SAMSN1: variants seen among roughly 807,000 people sequenced by gnomAD.
SAMSN1 encodes SAM domain, SH3 domain and nuclear localization signals 1.
Under a neutral mutation model 42.0 loss-of-function variants are expected in SAMSN1, and 31 were observed. That is an observed-to-expected ratio of 0.74 (90% CI 0.55 to 1.00). The LOEUF (loss-of-function observed/expected upper bound fraction) is 1.00, where lower values mean the gene tolerates loss of function less well. Ranked by LOEUF, SAMSN1 falls within the 50% of genes least tolerant of loss-of-function variation. SAMSN1 has a pLI of 0.00. For missense variants in SAMSN1, 464 were observed against 439.4 expected, an observed-to-expected ratio of 1.06 and a Z score of -0.50; for synonymous variants, 178 against 151.9, an observed-to-expected ratio of 1.17 and a Z score of -1.26.
At chr21:14,532,892 A>C (rs1038641921) in intron 1 of SAMSN1, among the ~76,000 whole-genome samples, 3 of 151,590 alleles carry the variant, frequency 2.0e-5, no homozygotes, top group Non-Finnish European at 4.4e-5. Context: ...TTAATATTTT[A>C]TTACTTTTAT....
chr21:14,555,437 A>T (rs1342636860), intron 2 of SAMSN1, among the ~76,000 whole-genome samples: 1 of 152,114 alleles, frequency 6.6e-6, no homozygotes, highest in Non-Finnish European at 1.5e-5. Context: ...ATTTGGACAT[A>T]TTTATCTTAT....
upstream of SAMSN1, among the ~76,000 whole-genome samples, chr21:14,585,112 A>G (rs1981878957): frequency 1.3e-5 from 2 of 152,228 alleles, no homozygotes. Flanking sequence ...TATGCTTAGA[A>G]GCACAAAATC....
intron 2 of SAMSN1, among the ~76,000 whole-genome samples, chr21:14,621,882 G>A (rs576293370): frequency 5.9e-5 from 9 of 152,210 alleles, no homozygotes; most frequent in Non-Finnish European, 1.3e-4. Flanking sequence ...CCCAGTACGG[G>A]CAGACTGACA....
chr21:14,592,596 C>T, intron 7 of SAMSN1: 1 of 356,772 alleles, frequency 2.8e-6, no homozygotes, highest in Non-Finnish European at 6.0e-6. Flanking sequence ...GGACATTTGA[C>T]TACATAAGTA....
At chr21:14,491,211 A>G (rs1388283554) in intron 7 of SAMSN1, among the ~76,000 whole-genome samples, 2 of 151,998 alleles carry the variant, frequency 1.3e-5, no homozygotes, top group East Asian at 3.9e-4. Flanking sequence ...CGTATTGACT[A>G]TTTTGAGTTG....
At chr21:14,513,817 A>C (rs981357420) in intron 3 of SAMSN1, among the ~76,000 whole-genome samples, 5 of 152,200 alleles carry the variant, frequency 3.3e-5, no homozygotes, top group African/African-American at 1.2e-4. Flanking sequence ...TTGAACTCAG[A>C]ATTATCTTGG....
chr21:14,499,124 A>G (rs1440991452), intron 6 of SAMSN1, among the ~76,000 whole-genome samples: 1 of 152,198 alleles, frequency 6.6e-6, no homozygotes. Context: ...ATTGAAAGGC[A>G]TTATGTAAAC....
chr21:14,584,401 TGACAAAATATG>T (rs1981855378), upstream of SAMSN1, among the ~76,000 whole-genome samples: 1 of 152,232 alleles, frequency 6.6e-6, no homozygotes, highest in Non-Finnish European at 1.5e-5. Flanking sequence ...TTGTTTATTA[TGACAAAATATG>T]GACAAAATAT....
At chr21:14,598,473 G>C (rs929282201) in intron 6 of SAMSN1, among the ~76,000 whole-genome samples, 1 of 152,156 alleles carries the variant, frequency 6.6e-6, no homozygotes, top group Non-Finnish European at 1.5e-5. Flanking sequence ...GTTGGTGTAT[G>C]ATCACATTTC....
At chr21:14,644,085 C>T (rs1160593256) in intron 1 of SAMSN1, among the ~76,000 whole-genome samples, 1 of 152,136 alleles carries the variant, frequency 6.6e-6, no homozygotes, top group Non-Finnish European at 1.5e-5. Context: ...ACTTGAAAGG[C>T]AGTCTAGAAC....
chr21:14,602,657 A>G (rs1382365606), intron 5 of SAMSN1, among the ~76,000 whole-genome samples: 1 of 151,942 alleles, frequency 6.6e-6, no homozygotes, highest in Non-Finnish European at 1.5e-5. Flanking sequence ...TGGGAGCTTC[A>G]TTTATTTAAG....
At chr21:14,614,601 G>C (rs1010056856) in intron 3 of SAMSN1, among the ~76,000 whole-genome samples, 1 of 152,122 alleles carries the variant, frequency 6.6e-6, no homozygotes, top group Non-Finnish European at 1.5e-5. Context: ...AAATTAAAAC[G>C]AAGGTGACCC....
chr21:14,486,030 G>A lies in SAMSN1; in HGVS notation c.1004C>T (p.Pro335Leu). The change falls in exon 8 of 8, where the codon CCA becomes CTA. Residue 335 changes from proline (P) to leucine (L), a missense_variant. By Grantham distance (98) the Pro-to-Leu change is moderately conservative. Coordinates refer to ENST00000400566, the MANE Select transcript of SAMSN1 (RefSeq NM_022136.5). ...TGAGATATAGCAACCAGAGTCCCTT[G>A]GGCAGTCATCTAACTGTGACTTATT... ...SLNKSQLDDC[P>L]RDSGCYISSG... The A allele has an allele frequency of 6.2e-7, 1 of 1,613,314 alleles. No individual in the cohort carries two copies. Among genetic ancestry groups the A allele is most frequent in the South Asian group, 1.1e-5 (1 of 91,062 alleles).
intron 7 of SAMSN1, chr21:14,594,006 G>A (rs1300218434): frequency 2.8e-6 from 2 of 715,530 alleles, no homozygotes; most frequent in African/African-American, 3.5e-5. Flanking sequence ...GGGAAGAAAT[G>A]TCTCACCAGT....
intron 7 of SAMSN1, among the ~76,000 whole-genome samples, chr21:14,590,055 CGTT>C (rs1191280043): frequency 6.6e-6 from 1 of 152,072 alleles, no homozygotes; most frequent in Non-Finnish European, 1.5e-5. Flanking sequence ...TCTTATGACT[CGTT>C]GTTTCATTAT....
intron 1 of SAMSN1, among the ~76,000 whole-genome samples, chr21:14,534,642 A>G (rs551240089): frequency 4.6e-5 from 7 of 152,136 alleles, no homozygotes; most frequent in African/African-American, 1.7e-4. Flanking sequence ...CAGCCTCCCA[A>G]GTAGCTGGGA....
intron 7 of SAMSN1, among the ~76,000 whole-genome samples, chr21:14,590,328 C>T (rs751399189): frequency 2.0e-5 from 3 of 151,706 alleles, no homozygotes; most frequent in Non-Finnish European, 2.9e-5. Flanking sequence ...TGGAGGCTGG[C>T]GTGCATTTGC....
intron 7 of SAMSN1, among the ~76,000 whole-genome samples, chr21:14,488,803 C>T (rs1300426392): frequency 2.0e-5 from 3 of 152,140 alleles, no homozygotes; most frequent in African/African-American, 7.2e-5. Context: ...TAAATGATTT[C>T]CTCGTGAAAT....
At chr21:14,506,812 G>T (rs1987432495) in intron 5 of SAMSN1, among the ~76,000 whole-genome samples, 1 of 152,112 alleles carries the variant, frequency 6.6e-6, no homozygotes, top group Non-Finnish European at 1.5e-5. Flanking sequence ...CTAGCTAACT[G>T]AATTCAACAA....
Sources: allele counts gnomAD v4.1 joint callset (sites outside exome capture counted in the v4.1 genomes callset), GRCh38; gene constraint gnomAD v4.1.1; transcripts MANE v1.5; gene names NCBI Gene and HGNC (gene_info 2026-07-23, HGNC 2026-07-21).